The following LYPLAL1 variants were observed in gnomAD, a reference collection of about 807,000 sequenced individuals.
LYPLAL1 encodes the protein lysophospholipase-like protein 1.
Under a neutral mutation model 19.7 loss-of-function variants are expected in LYPLAL1, and 23 were observed. That is an observed-to-expected ratio of 1.17 (90% confidence interval 0.84 to 1.65). LYPLAL1 has a LOEUF of 1.65. Among genes scored for constraint, LYPLAL1 ranks in the 40% most tolerant of loss-of-function variants. LYPLAL1 has a pLI of 0.00. For synonymous variants in LYPLAL1, 119 were observed against 96.3 expected, an observed-to-expected ratio of 1.24 and a Z score of -1.38; for missense variants, 355 against 279.4, an observed-to-expected ratio of 1.27 and a Z score of -1.93.
At chr1:219,195,078 C>T (rs1657498503) in intron 3 of LYPLAL1, among the ~76,000 whole-genome samples, 2 of 151,986 alleles carry the variant, frequency 1.3e-5, no homozygotes, top group Non-Finnish European at 2.9e-5. Context: ...CCACTTATTA[C>T]CTACACTTAA....
the LYPLAL1 span, among the ~76,000 whole-genome samples, chr1:219,276,513 C>CA: frequency 1.3e-5 from 2 of 152,150 alleles, no homozygotes; most frequent in Non-Finnish European, 2.9e-5. Flanking sequence ...GTAAATTGAG[C>CA]AAAAACGCTT....
chr1:219,440,014 C>CACATATATATATATATAT, the LYPLAL1 span, among the ~76,000 whole-genome samples: 52 of 74,080 alleles, frequency 7.0e-4, no homozygotes, highest in African/African-American at 2.9e-3. Flanking sequence ...TATATATATA[C>CACATATATATATATATAT]ACACACACAC....
intron 2 of LYPLAL1, among the ~76,000 whole-genome samples, chr1:219,183,742 A>T (rs931085745): frequency 6.6e-6 from 1 of 151,934 alleles, no homozygotes; most frequent in Non-Finnish European, 1.5e-5. Context: ...TTTGGGATTC[A>T]TCTATATGTG....
the LYPLAL1 span, among the ~76,000 whole-genome samples, chr1:219,255,779 T>A: frequency 6.6e-6 from 1 of 151,966 alleles, no homozygotes. Flanking sequence ...TCCTAGAATC[T>A]AAGAGTATTT....
chr1:219,438,405 A>T, the LYPLAL1 span, among the ~76,000 whole-genome samples: 1 of 152,182 alleles, frequency 6.6e-6, no homozygotes, highest in Non-Finnish European at 1.5e-5. Flanking sequence ...TTGTCCATTA[A>T]AGAGGTCTAT....
the LYPLAL1 span, among the ~76,000 whole-genome samples, chr1:219,429,503 T>A: frequency 2.0e-5 from 3 of 151,806 alleles, no homozygotes; most frequent in Non-Finnish European, 2.9e-5. Flanking sequence ...ACAAAAAATT[T>A]AAAAATTAGC....
At chr1:219,409,210 AGGT>A in the LYPLAL1 span, among the ~76,000 whole-genome samples, 1 of 152,182 alleles carries the variant, frequency 6.6e-6, no homozygotes, top group Non-Finnish European at 1.5e-5. Context: ...GAATTTTGGG[AGGT>A]GGAGATGGGC....
At chr1:219,223,197 A>G in the LYPLAL1 span, 1 of 151,768 alleles carries the variant, frequency 6.6e-6, no homozygotes, top group African/African-American at 2.4e-5. Flanking sequence ...CCTGAAAGAG[A>G]AGTAGCAACA....
At chr1:219,322,178 A>G in the LYPLAL1 span, among the ~76,000 whole-genome samples, 1 of 152,162 alleles carries the variant, frequency 6.6e-6, no homozygotes, top group Admixed American at 6.6e-5. Context: ...CAGGTTTATC[A>G]TCACTGCCTG....
the LYPLAL1 span, among the ~76,000 whole-genome samples, chr1:219,299,256 A>G: frequency 8.6e-5 from 13 of 152,026 alleles, no homozygotes; most frequent in African/African-American, 2.9e-4. Flanking sequence ...GTGTTTCCAC[A>G]GATAACCAAT....
chr1:219,229,629 T>G, the LYPLAL1 span, among the ~76,000 whole-genome samples: 1 of 152,210 alleles, frequency 6.6e-6, no homozygotes, highest in African/African-American at 2.4e-5. Context: ...ATGGCAAAAC[T>G]AAAAGAGCAC....
At chr1:219,310,641 T>C in the LYPLAL1 span, among the ~76,000 whole-genome samples, 1 of 152,180 alleles carries the variant, frequency 6.6e-6, no homozygotes, top group African/African-American at 2.4e-5. Flanking sequence ...CTATGAATTA[T>C]AGAGTAGGGG....
the LYPLAL1 span, among the ~76,000 whole-genome samples, chr1:219,358,420 A>T: frequency 6.6e-6 from 1 of 152,232 alleles, no homozygotes; most frequent in Non-Finnish European, 1.5e-5. Flanking sequence ...ATTTAAGTGA[A>T]ATAACAATCA....
chr1:219,356,324 A>G, the LYPLAL1 span, among the ~76,000 whole-genome samples: 1 of 152,074 alleles, frequency 6.6e-6, no homozygotes, highest in African/African-American at 2.4e-5. Flanking sequence ...ACAAGATGAA[A>G]CCCTGTCTCT....
chr1:219,240,088 A>G, the LYPLAL1 span, among the ~76,000 whole-genome samples: 985 of 152,354 alleles, frequency 6.5e-3, 2 homozygotes, highest in Non-Finnish European at 0.01. Context: ...TTGATTTCAT[A>G]GCATATTACA....
At chr1:219,399,483 C>T in the LYPLAL1 span, among the ~76,000 whole-genome samples, 1 of 152,156 alleles carries the variant, frequency 6.6e-6, no homozygotes, top group Non-Finnish European at 1.5e-5. Flanking sequence ...TGCATCCAGT[C>T]ACACATGCTG....
intron 1 of LYPLAL1, 77 bp downstream of exon 1, chr1:219,174,058 G>A: frequency 6.3e-7 from 1 of 1,587,466 alleles, no homozygotes; most frequent in Non-Finnish European, 8.6e-7. Flanking sequence ...TATTGCCCAA[G>A]TGGAGGTGTC....
At chr1:219,231,079 TA>T in the LYPLAL1 span, among the ~76,000 whole-genome samples, 1 of 152,210 alleles carries the variant, frequency 6.6e-6, no homozygotes, top group Non-Finnish European at 1.5e-5. Flanking sequence ...AGGGCATTTC[TA>T]AAAAAATAGA....
the LYPLAL1 span, among the ~76,000 whole-genome samples, chr1:219,420,052 T>G: frequency 1.3e-5 from 2 of 152,204 alleles, no homozygotes; most frequent in Non-Finnish European, 2.9e-5. Flanking sequence ...CTACAGAACT[T>G]GGGCAAAGTT....
Sources: gnomAD v4.1 joint callset for allele counts (sites outside exome capture counted in the v4.1 genomes callset) on GRCh38, gnomAD v4.1.1 for gene constraint, MANE v1.5 for transcripts, NCBI Gene and HGNC (gene_info 2026-07-23, HGNC 2026-07-21) for gene names.